Variants in PCP4 observed in about 807,000 individuals in gnomAD.
PCP4 encodes the protein Purkinje cell protein 4.
In PCP4, 8 loss-of-function variants were observed where a neutral mutation model predicts 10.0. The observed-to-expected ratio is 0.80, with a 90% CI of 0.47 to 1.45. The LOEUF is 1.45. Ranked by LOEUF, PCP4 falls within the 40% of genes most tolerant of loss-of-function variation. PCP4 has a pLI of 0.00. For missense variants in PCP4, 54 were observed against 74.4 expected (o/e 0.73, Z 1.01); for synonymous variants, 21 against 23.0 (o/e 0.91, Z 0.24).
At chr21:39,879,138 C>T (rs528555019) in intron 1 of PCP4, among the ~76,000 whole-genome samples, 34 of 151,938 alleles carry the variant, frequency 2.2e-4, no homozygotes, top group Non-Finnish European at 4.4e-4. Context: ...TACAGGTGCG[C>T]ACCACCATGA....
intron 2 of PCP4, among the ~76,000 whole-genome samples, chr21:39,908,350 G>A (rs1371641969): frequency 6.6e-6 from 1 of 152,114 alleles, no homozygotes; most frequent in Non-Finnish European, 1.5e-5. Flanking sequence ...ACAAGGAGGT[G>A]GCCAAAGAGG....
chr21:39,911,095 A>G (rs2087537941), intron 2 of PCP4, among the ~76,000 whole-genome samples: 1 of 151,906 alleles, frequency 6.6e-6, no homozygotes, highest in Non-Finnish European at 1.5e-5. Flanking sequence ...TTCTGTAAGC[A>G]TCAAGGGGAT....
chr21:39,892,160 T>C (rs1416906672), intron 1 of PCP4, among the ~76,000 whole-genome samples: 1 of 152,208 alleles, frequency 6.6e-6, no homozygotes, highest in East Asian at 1.9e-4. Context: ...TATGCGGGCG[T>C]GACAGAGGGC....
At chr21:39,885,467 G>A (rs999433722) in intron 1 of PCP4, among the ~76,000 whole-genome samples, 3 of 152,246 alleles carry the variant, frequency 2.0e-5, no homozygotes, top group African/African-American at 7.2e-5. Flanking sequence ...CAGGCTGGCG[G>A]CTGGGGAAAC....
At chr21:39,873,600 TC>T (rs2087330869) in intron 1 of PCP4, among the ~76,000 whole-genome samples, 1 of 152,134 alleles carries the variant, frequency 6.6e-6, no homozygotes, top group African/African-American at 2.4e-5. Context: ...TTTCCTATCA[TC>T]CCCAGGGATG....
chr21:39,877,633 G>A (rs1002714408), intron 1 of PCP4, among the ~76,000 whole-genome samples: 1 of 152,072 alleles, frequency 6.6e-6, no homozygotes, highest in Non-Finnish European at 1.5e-5. Flanking sequence ...GGAGGTGGAG[G>A]TTGCAGTGAG....
At chr21:39,898,622 CT>C in intron 2 of PCP4, 95 bp downstream of exon 2, 1 of 921,336 alleles carries the variant, frequency 1.1e-6, no homozygotes, top group Non-Finnish European at 1.8e-6. Flanking sequence ...TCCCAAACAG[CT>C]TACTATATGT....
intron 2 of PCP4, among the ~76,000 whole-genome samples, chr21:39,908,434 A>G (rs2087523375): frequency 6.6e-6 from 1 of 152,128 alleles, no homozygotes; most frequent in Non-Finnish European, 1.5e-5. Context: ...CCCAGTCTGA[A>G]CGGAAGGCCC....
chr21:39,903,800 G>A (rs760030739), intron 2 of PCP4, among the ~76,000 whole-genome samples: 3 of 149,656 alleles, frequency 2.0e-5, no homozygotes, highest in Non-Finnish European at 4.4e-5. Flanking sequence ...CCTGGGAGGC[G>A]GAGCTTGCAG....
At chr21:39,871,297 C>T (rs1162590910) in intron 1 of PCP4, among the ~76,000 whole-genome samples, 1 of 152,182 alleles carries the variant, frequency 6.6e-6, no homozygotes, top group Non-Finnish European at 1.5e-5. Flanking sequence ...GAAACAGATC[C>T]TAAGAAGAGA....
intron 2 of PCP4, among the ~76,000 whole-genome samples, chr21:39,915,013 T>A (rs1013371967): frequency 7.9e-5 from 12 of 152,104 alleles, no homozygotes; most frequent in African/African-American, 2.2e-4. Flanking sequence ...TGGCCTGAAA[T>A]CTGACTAGGG....
At chr21:39,867,818 C>T (rs772554341) in intron 1 of PCP4, among the ~76,000 whole-genome samples, 2 of 152,110 alleles carry the variant, frequency 1.3e-5, no homozygotes, top group Non-Finnish European at 2.9e-5. Context: ...TATTCTCTTA[C>T]GAAGATGCGT....
chr21:39,914,692 T>C (rs1387976925), intron 2 of PCP4, among the ~76,000 whole-genome samples: 3 of 152,138 alleles, frequency 2.0e-5, no homozygotes, highest in East Asian at 1.9e-4. Context: ...ATTAGGCTAA[T>C]TGATGTTCCT....
intron 1 of PCP4, among the ~76,000 whole-genome samples, chr21:39,878,035 G>A (rs35495322): frequency 0.025 from 3,699 of 147,360 alleles, 80 homozygotes; most frequent in Admixed American, 0.041. Context: ...CTTCTATACC[G>A]TTTCATCTTC....
chr21:39,924,693 A>G (rs1287530752), intron 2 of PCP4, among the ~76,000 whole-genome samples: 1 of 152,138 alleles, frequency 6.6e-6, no homozygotes, highest in African/African-American at 2.4e-5. Flanking sequence ...AGCTCTGTGT[A>G]AAAATTAGCT....
intron 1 of PCP4, among the ~76,000 whole-genome samples, chr21:39,896,107 A>G (rs2087455931): frequency 6.6e-6 from 1 of 151,936 alleles, no homozygotes; most frequent in Non-Finnish European, 1.5e-5. Context: ...CCCTGTGCAC[A>G]TTTCATTTTG....
chr21:39,927,328 T>C (rs934871796), intron 2 of PCP4, among the ~76,000 whole-genome samples: 2 of 74,078 alleles, frequency 2.7e-5, no homozygotes, highest in Non-Finnish European at 5.6e-5. Flanking sequence ...CTATCATCTA[T>C]CTATCTATCT....
Position 39,923,633 on chromosome 21 carries a change from A to G in PCP4, c.62-5351A>G, listed in dbSNP as rs144811668. 5.1e-3 allele frequency among the ~76,000 whole-genome samples: 777 copies of G among 152,326 alleles called. 3 individuals carry two copies. The highest frequency in any genetic ancestry group is 0.018 in the African/African-American group (736 of 41,564). On this transcript the variant is annotated intron_variant, in intron 2 of 2. Transcript: ENST00000328619. ...CGTGGCCAAAGTGATTTTCCAGTAC[A>G]CGCGGCAGAATCCTATGTGCACATG...
chr21:39,898,210 G>A, intron 1 of PCP4: 1 of 503,668 alleles, frequency 2.0e-6, no homozygotes. Context: ...AGTTGTGCTT[G>A]ATCTCCCTCC....
Sources: gnomAD v4.1 joint callset for allele counts (sites outside exome capture counted in the v4.1 genomes callset) on GRCh38, gnomAD v4.1.1 for gene constraint, MANE v1.5 for transcripts, NCBI Gene and HGNC (gene_info 2026-07-23, HGNC 2026-07-21) for gene names.